Variants in SCUBE1 observed in about 807,000 individuals in gnomAD.
The protein encoded by SCUBE1 is signal peptide, CUB and EGF-like domain-containing protein 1.
In SCUBE1, 59 loss-of-function variants were observed where a neutral mutation model predicts 124.4. The observed-to-expected ratio is 0.47, with a 90% CI of 0.38 to 0.59. The LOEUF (loss-of-function observed/expected upper bound fraction) is 0.59. Among genes scored for constraint, SCUBE1 ranks in the 20% least tolerant of loss-of-function variants. The probability of loss-of-function intolerance (pLI) is 0.00; values close to 1 mark genes in which losing one functional copy is unlikely to be tolerated. For synonymous variants in SCUBE1, 545 were observed against 550.9 expected (o/e 0.99, Z 0.15); for missense variants, 1,150 against 1,371.2 (o/e 0.84, Z 2.55).
chr22:43,277,082 G>A (rs1924553706), intron 4 of SCUBE1, among the ~76,000 whole-genome samples: 1 of 151,714 alleles, frequency 6.6e-6, no homozygotes, highest in Admixed American at 6.6e-5. Flanking sequence ...GGCCGAATGA[G>A]ACAGAGGCAG....
Position 43,231,734 on chromosome 22 carries a change from G to A in SCUBE1, c.967+19C>T. 6.4e-7 allele frequency: 1 copy of A among 1,563,522 alleles called. No individual in the cohort carries two copies. Among genetic ancestry groups the A allele is most frequent in the South Asian group, 1.2e-5 (1 of 85,832 alleles). ...TCCCGCTGGGCCCGAGAGCCACCCG[G>A]GGCATGGCAGGGGCTCACCCTGGCA... On this transcript the variant is annotated intron_variant, in intron 8 of 21. Coordinates refer to ENST00000360835, the MANE Select transcript of SCUBE1 (RefSeq NM_173050.5).
intron 6 of SCUBE1, among the ~76,000 whole-genome samples, chr22:43,257,455 A>G (rs1465218322): frequency 1.3e-5 from 2 of 152,226 alleles, no homozygotes; most frequent in East Asian, 1.9e-4. Flanking sequence ...AAAACCTACT[A>G]GTGATTATGG....
At chr22:43,314,546 C>A (rs959236090) in intron 3 of SCUBE1, among the ~76,000 whole-genome samples, 1 of 152,132 alleles carries the variant, frequency 6.6e-6, no homozygotes, top group East Asian at 1.9e-4. Context: ...CTGGAACACA[C>A]GCCTACCACT....
Position 43,210,087 on chromosome 22 carries a change from G to T in SCUBE1, c.2537C>A (p.Pro846His). 6.2e-7 allele frequency: 1 copy of T among 1,612,710 alleles called. No individual in the cohort carries two copies. Among genetic ancestry groups the T allele is most frequent in the Non-Finnish European group, 8.5e-7 (1 of 1,179,568 alleles). ...ILIVVPEIFL[P>H]IEDECGDVLV... is the part of the protein sequence containing the mutation. ...AACATCGCCGCACTCATCCTCGATG[G>T]GCAGGAAGATCTCAGGGACCACGAT... Residue 846 changes from proline (P) to histidine (H), a missense_variant, in exon 19 of 22, where the codon CCC (proline) becomes CAC (histidine). Physicochemically the swap from Pro to His is moderately conservative, Grantham distance 77. Transcript: ENST00000360835. The surrounding 1 kb of genome is among the most constrained non-coding windows in gnomAD (Gnocchi z 4.5).
chr22:43,245,318 C>G (rs557417234), intron 6 of SCUBE1, among the ~76,000 whole-genome samples: 205 of 152,344 alleles, frequency 1.3e-3, no homozygotes, highest in African/African-American at 4.7e-3. Context: ...GTCCTGACCA[C>G]GCCTCCCCGC....
intron 10 of SCUBE1, among the ~76,000 whole-genome samples, chr22:43,225,342 G>A (rs1922260269): frequency 6.6e-6 from 1 of 152,136 alleles, no homozygotes; most frequent in African/African-American, 2.4e-5. Context: ...AACTCCAGGA[G>A]ACAGACAAAC....
intron 10 of SCUBE1, among the ~76,000 whole-genome samples, chr22:43,225,694 G>T (rs1922274960): frequency 6.6e-6 from 1 of 151,738 alleles, no homozygotes; most frequent in Non-Finnish European, 1.5e-5. Flanking sequence ...GAGTCACCGT[G>T]CCCGGCCAAA....
Position 43,255,529 on chromosome 22 carries a change from AC to A in SCUBE1, c.727+2689del. The A allele has an allele frequency of 6.4e-7, 1 of 1,550,602 alleles. No homozygotes were observed. The highest frequency in any genetic ancestry group is 8.7e-7 in the Non-Finnish European group (1 of 1,146,998). Reference sequence around the variant, plus strand: ...TTTCACCCGCTTGTCCACATCAGCTACTGACGTGGCATTGAACTGAGAGCGC... The same window carrying A: ...TTTCACCCGCTTGTCCACATCAGCTATGACGTGGCATTGAACTGAGAGCGC... On this transcript the variant is annotated intron_variant, in intron 6 of 21. Coordinates refer to ENST00000360835, the MANE Select transcript of SCUBE1 (RefSeq NM_173050.5). The surrounding 1 kb of genome is among the most constrained non-coding windows in gnomAD (Gnocchi z 4.7).
chr22:43,328,697 T>C (rs1485388763), intron 2 of SCUBE1, among the ~76,000 whole-genome samples: 1 of 152,166 alleles, frequency 6.6e-6, no homozygotes, highest in Non-Finnish European at 1.5e-5. Flanking sequence ...GATCCAGCAG[T>C]GGGCAGGGCC....
intron 3 of SCUBE1, among the ~76,000 whole-genome samples, chr22:43,295,402 A>G (rs1471838814): frequency 6.6e-6 from 1 of 152,192 alleles, no homozygotes; most frequent in Non-Finnish European, 1.5e-5. Context: ...CCTTGCTCCT[A>G]GCAGCGGGTC....
At chr22:43,263,459 A>G (rs1020667122) in intron 4 of SCUBE1, among the ~76,000 whole-genome samples, 2 of 152,184 alleles carry the variant, frequency 1.3e-5, no homozygotes, top group Non-Finnish European at 2.9e-5. Flanking sequence ...CAGCTCTGTG[A>G]CCTGCCTTCC....
intron 3 of SCUBE1, among the ~76,000 whole-genome samples, chr22:43,315,574 C>G (rs1287119965): frequency 2.0e-5 from 3 of 152,134 alleles, no homozygotes; most frequent in Non-Finnish European, 4.4e-5. Context: ...CAAGGTCCGG[C>G]TTCTCTAGAG....
chr22:43,214,234 T>A lies in SCUBE1; in HGVS notation c.1909A>T (p.Thr637Ser). The change falls in exon 16 of 22, where the codon ACC (threonine) becomes TCC (serine). Residue 637 changes from threonine to serine, a missense_variant. This residue lies in a region of SCUBE1 where 757 missense variants were observed against 840.9 expected (regional missense o/e 0.90). Coordinates refer to ENST00000360835, the MANE Select transcript of SCUBE1 (RefSeq NM_173050.5). ...TGGCCGAGCTCACCACCGAAGTGGG[T>A]GCCAGGCCCACAGGCAACTGCAGAG... ...DSKCVACGPG[T>S]HFGGELGQCV... 1 of 1,612,312 alleles carries A rather than the reference T, an allele frequency of 6.2e-7. No homozygotes were observed. Among genetic ancestry groups the A allele is most frequent in the Non-Finnish European group, 8.5e-7 (1 of 1,179,534 alleles).
Position 43,258,486 on chromosome 22 carries a change from G to A in SCUBE1, c.611-151C>T, listed in dbSNP as rs1923751769. 12 of 665,542 alleles carry A rather than the reference G, an allele frequency of 1.8e-5. No homozygotes were observed. The highest frequency in any genetic ancestry group is 3.3e-5 in the South Asian group (2 of 60,458). The allele number at this position is 665,542 out of a possible 1,614,324, so 41.2% of individuals were successfully genotyped here. A position where few individuals can be genotyped will look rare whatever the true frequency, so the allele number is the denominator to read the frequency against. ...TCATGAGGCTCGCCGGGCAACGGGG[G>A]AGCATTTCCCTGCACTTCAGCCCCT... On this transcript the variant is annotated intron_variant, in intron 5 of 21. Transcript: ENST00000360835. This position sits in a 1 kb window ranked among gnomAD's most constrained non-coding sequence, Gnocchi z 5.0.
intron 1 of SCUBE1, among the ~76,000 whole-genome samples, chr22:43,342,634 C>G (rs1927360693): frequency 6.6e-6 from 1 of 151,980 alleles, no homozygotes; most frequent in African/African-American, 2.4e-5. Context: ...CTTCCCCGGG[C>G]GGTGCGGGCC....
intron 4 of SCUBE1, among the ~76,000 whole-genome samples, chr22:43,263,165 T>C (rs1264253697): frequency 6.6e-6 from 1 of 152,168 alleles, no homozygotes; most frequent in Non-Finnish European, 1.5e-5. Flanking sequence ...TGGGGCATGG[T>C]CTGTAGAACT....
intron 3 of SCUBE1, among the ~76,000 whole-genome samples, chr22:43,297,914 C>T (rs1289664094): frequency 6.6e-6 from 1 of 152,320 alleles, no homozygotes; most frequent in East Asian, 1.9e-4. Context: ...GTCAGGCCCT[C>T]CACTGGCTCC....
rs995162088 is a variant in SCUBE1, at chr22:43,258,847, C to G, written c.611-512G>C. Among the ~76,000 whole-genome samples, 3 of 152,284 alleles carry G rather than the reference C, an allele frequency of 2.0e-5. No homozygotes were observed. Among genetic ancestry groups the G allele is most frequent in the Admixed American group, 6.5e-5 (1 of 15,304 alleles). ...TGTGGATGTCTCCACGGAGGTCCCC[C>G]CTCAGAGTCCCAGGGGCCACCTCAA... On this transcript the variant is annotated intron_variant, in intron 5 of 21. Transcript: ENST00000360835. This position sits in a 1 kb window ranked among gnomAD's most constrained non-coding sequence, Gnocchi z 5.0.
At position 43,258,916 on chromosome 22, in the gene SCUBE1, G is replaced by T. The variant is rs1923768866; in HGVS notation, c.611-581C>A. Among the ~76,000 whole-genome samples, 1 of 152,194 alleles carries T rather than the reference G, an allele frequency of 6.6e-6. No homozygotes were observed. Among genetic ancestry groups the T allele is most frequent in the Non-Finnish European group, 1.5e-5 (1 of 68,038 alleles). On this transcript the variant is annotated intron_variant, in intron 5 of 21. Coordinates refer to ENST00000360835, the MANE Select transcript of SCUBE1 (RefSeq NM_173050.5). The surrounding 1 kb of genome is among the most constrained non-coding windows in gnomAD (Gnocchi z 5.0). ...CCTAATCCTCCGGGAGCTCGGCAATGTCCGAACAGACAGACTCATGCAAGT... is the reference window on the plus strand; with the variant it reads ...CCTAATCCTCCGGGAGCTCGGCAATTTCCGAACAGACAGACTCATGCAAGT...
Sources: allele counts gnomAD v4.1 joint callset (sites outside exome capture counted in the v4.1 genomes callset), GRCh38; gene constraint gnomAD v4.1.1; regional missense constraint gnomAD v4.1.1; non-coding constraint Gnocchi (gnomAD v3.1); transcripts MANE v1.5; gene names NCBI Gene and HGNC (gene_info 2026-07-23, HGNC 2026-07-21).